Variants in CLPSL1 observed in about 807,000 individuals in gnomAD.
CLPSL1 encodes colipase-like protein 1.
CLPSL1 carries 13 observed loss-of-function variants against 9.3 expected under a neutral mutation model. That is an observed-to-expected ratio of 1.40 (90% CI 0.91 to 2.22). The LOEUF (loss-of-function observed/expected upper bound fraction) is 2.22, where lower values mean the gene tolerates loss of function less well. Ranked by LOEUF, CLPSL1 falls within the 30% of genes most tolerant of loss-of-function variation. The pLI is 0.00. For synonymous variants in CLPSL1, 58 were observed against 56.9 expected, an observed-to-expected ratio of 1.02 and a Z score of -0.08; for missense variants, 164 against 146.6, an observed-to-expected ratio of 1.12 and a Z score of -0.61.
In CLPSL1 at chr6:35,786,987, C is replaced by T; in HGVS notation, c.100-11C>T. Reference sequence around the variant, plus strand: ...CGGTGGAGCCTGGCGGTGCCGTGTCCCTCCCTGCAGGAGCTCAAGGAGTCT... The same window carrying T: ...CGGTGGAGCCTGGCGGTGCCGTGTCTCTCCCTGCAGGAGCTCAAGGAGTCT... On this transcript the variant is annotated splice_polypyrimidine_tract_variant and intron_variant, in intron 1 of 2. Coordinates refer to ENST00000373861, the MANE Select transcript of CLPSL1 (RefSeq NM_001010886.5). The T allele has an allele frequency of 6.4e-7, 1 of 1,569,456 alleles. No homozygotes were observed.
At chr6:35,793,216 G>C (rs1344329615) in intron 1 of CLPSL1, among the ~76,000 whole-genome samples, 2 of 152,242 alleles carry the variant, frequency 1.3e-5, no homozygotes, top group Non-Finnish European at 2.9e-5. Context: ...CTGAGGTAAG[G>C]AATTCAAGAT....
chr6:35,787,288 G>A (rs999940134), intron 2 of CLPSL1, among the ~76,000 whole-genome samples, 168 bp downstream of exon 2: 2 of 152,256 alleles, frequency 1.3e-5, no homozygotes. Flanking sequence ...GCCTGTGGAC[G>A]GAACCAATAT....
chr6:35,790,742 T>G (rs1768170447), downstream of CLPSL1, among the ~76,000 whole-genome samples: 1 of 152,244 alleles, frequency 6.6e-6, no homozygotes, highest in African/African-American at 2.4e-5. Context: ...TTTTCCCTGG[T>G]TTTGAGAAAC....
At chr6:35,792,486 G>A (rs1455773121), downstream of CLPSL1, among the ~76,000 whole-genome samples, 1 of 152,264 alleles carries the variant, frequency 6.6e-6, no homozygotes, top group African/African-American at 2.4e-5. Flanking sequence ...TTGAAAAATT[G>A]TCAGTCAAAC....
At chr6:35,784,961 T>G (rs1768039190) in intron 1 of CLPSL1, among the ~76,000 whole-genome samples, 1 of 152,114 alleles carries the variant, frequency 6.6e-6, no homozygotes, top group South Asian at 2.1e-4. Flanking sequence ...GAAGGGCAAG[T>G]GCAGTGTTTA....
intron 1 of CLPSL1, among the ~76,000 whole-genome samples, chr6:35,785,946 CAAAA>C (rs35079833): frequency 3.6e-5 from 4 of 110,792 alleles, no homozygotes; most frequent in Admixed American, 1.0e-4. Context: ...GAGACTTTGT[CAAAA>C]AAAAAAAAAA....
chr6:35,792,329 T>C (rs376401504), downstream of CLPSL1, among the ~76,000 whole-genome samples: 26 of 152,372 alleles, frequency 1.7e-4, no homozygotes, highest in East Asian at 4.2e-3. Context: ...TAGCTTAGCT[T>C]AGCCTACCTT....
At chr6:35,793,411 G>T (rs2151064213) in intron 1 of CLPSL1, 2 of 431,326 alleles carry the variant, frequency 4.6e-6, no homozygotes, top group Non-Finnish European at 9.1e-6. Flanking sequence ...GGCAACAAGA[G>T]CAAAACTCTG....
downstream of CLPSL1, among the ~76,000 whole-genome samples, chr6:35,791,510 A>G (rs1768208761): frequency 6.6e-6 from 1 of 152,020 alleles, no homozygotes; most frequent in Non-Finnish European, 1.5e-5. Context: ...CGGGAGGCTG[A>G]GGCAGGAGAA....
intron 1 of CLPSL1, among the ~76,000 whole-genome samples, chr6:35,782,041 C>T (rs1430134607): frequency 1.3e-5 from 2 of 152,098 alleles, no homozygotes; most frequent in Non-Finnish European, 2.9e-5. Flanking sequence ...CGTAAGCCAC[C>T]GCACCTGGCC....
rs1767968120 is a variant in CLPSL1 at position 35,781,577 on chromosome 6, C to A, written c.99+368C>A. ...AGCAAGAAAGATAAAAATCCTTGCC[C>A]TTGTAGAGCTGTCACTCTAGTGTGT... On this transcript the variant is annotated intron_variant, in intron 1 of 2. Coordinates refer to ENST00000373861, the MANE Select transcript of CLPSL1 (RefSeq NM_001010886.5). Among the ~76,000 whole-genome samples the A allele has an allele frequency of 4.6e-5, 7 of 151,974 alleles. No individual in the cohort carries two copies. The South Asian group carries it at 1.5e-3, about 32-fold the overall frequency.
At chr6:35,793,331 A>G (rs1768257750) in intron 1 of CLPSL1, among the ~76,000 whole-genome samples, 2 of 151,982 alleles carry the variant, frequency 1.3e-5, no homozygotes, top group Non-Finnish European at 2.9e-5. Flanking sequence ...AGGCTGAAGC[A>G]GGAGAATCGC....
chr6:35,784,202 T>C (rs944053584), intron 1 of CLPSL1, among the ~76,000 whole-genome samples: 1 of 152,128 alleles, frequency 6.6e-6, no homozygotes, highest in Non-Finnish European at 1.5e-5. Flanking sequence ...TTCCAGGTCA[T>C]AGGTAGATTT....
At chr6:35,787,192 TG>T in intron 2 of CLPSL1, 72 bp downstream of exon 2, 1 of 1,547,626 alleles carries the variant, frequency 6.5e-7, no homozygotes, top group Non-Finnish European at 8.8e-7. Flanking sequence ...CCCAGATTCC[TG>T]GGGAGGAAAG....
At chr6:35,788,652 G>A (rs1397372722), downstream of CLPSL1, among the ~76,000 whole-genome samples, 2 of 152,374 alleles carry the variant, frequency 1.3e-5, no homozygotes, top group Non-Finnish European at 2.9e-5. Flanking sequence ...TGCTGAATCT[G>A]AATCTTCTGG....
chr6:35,793,747 C>G (rs1768270536), downstream of CLPSL1: 3 of 368,646 alleles, frequency 8.1e-6, no homozygotes, highest in African/African-American at 2.1e-5. Flanking sequence ...CAGGAGGATT[C>G]ATTGATCACA....
Position 35,787,012 on chromosome 6 carries a change from T to G in CLPSL1, c.114T>G (p.Ser38=), listed in dbSNP as rs1483566244. ...CCTCCCTGCAGGAGCTCAAGGAGTC[T>G]TGCATCCGGAACCAGGACTGCGAGA... The part of the protein sequence containing the change: ...TKYNLLELKE[S]CIRNQDCETG... Residue 38 remains serine, a synonymous_variant, in exon 2 of 3, where the codon TCT becomes TCG. Coordinates refer to ENST00000373861, the MANE Select transcript of CLPSL1 (RefSeq NM_001010886.5). 2 of 1,583,704 alleles carry G rather than the reference T, an allele frequency of 1.3e-6. No individual in the cohort carries two copies. The highest frequency in any genetic ancestry group is 1.9e-5 in the Admixed American group (1 of 52,918).
downstream of CLPSL1, chr6:35,788,255 C>T: frequency 2.0e-6 from 1 of 492,658 alleles, no homozygotes; most frequent in Non-Finnish European, 3.7e-6. Context: ...CAGGAAGGGA[C>T]ACTGTTGGAC....
At chr6:35,788,279 C>G, downstream of CLPSL1, 1 of 453,158 alleles carries the variant, frequency 2.2e-6, no homozygotes, top group Non-Finnish European at 4.1e-6. Flanking sequence ...GGGTCTTTCC[C>G]CAGTTGGGGC....
Sources: allele counts gnomAD v4.1 joint callset (sites outside exome capture counted in the v4.1 genomes callset), GRCh38; gene constraint gnomAD v4.1.1; transcripts MANE v1.5; gene names NCBI Gene and HGNC (gene_info 2026-07-23, HGNC 2026-07-21).